Variants in ZYG11B observed in about 807,000 individuals in gnomAD.
ZYG11B encodes protein zyg-11 homolog B.
ZYG11B carries 36 observed loss-of-function variants against 82.4 expected under a neutral mutation model. That is an observed-to-expected ratio of 0.44 (90% CI 0.33 to 0.58). ZYG11B has a LOEUF of 0.58. Ranked by LOEUF, ZYG11B falls within the 20% of genes least tolerant of loss-of-function variation. The probability of loss-of-function intolerance (pLI) is 0.02; values close to 1 mark genes in which losing one functional copy is unlikely to be tolerated. For missense variants in ZYG11B, 552 were observed against 895.6 expected (o/e 0.62, Z 4.90); for synonymous variants, 303 against 312.8 (o/e 0.97, Z 0.33).
At chr1:52,734,754 G>A (rs189352529) in intron 1 of ZYG11B, among the ~76,000 whole-genome samples, 2 of 152,024 alleles carry the variant, frequency 1.3e-5, no homozygotes, top group East Asian at 1.9e-4. Context: ...TTGAGATGGA[G>A]TTTCGCTCTT....
At chr1:52,772,243 G>GGGA in intron 3 of ZYG11B, 1 of 1,338,866 alleles carries the variant, frequency 7.5e-7, no homozygotes, top group Non-Finnish European at 1.1e-6. Flanking sequence ...CCAACTGGGA[G>GGGA]GGAGGACTCG....
chr1:52,819,792 AAATAAT>A (rs67913247), intron 13 of ZYG11B, among the ~76,000 whole-genome samples: 2 of 149,562 alleles, frequency 1.3e-5, no homozygotes, highest in Non-Finnish European at 2.9e-5. Flanking sequence ...TCTGAAAAAA[AAATAAT>A]AATAATAATA....
At chr1:52,737,290 C>T (rs942906506) in intron 1 of ZYG11B, among the ~76,000 whole-genome samples, 2 of 152,160 alleles carry the variant, frequency 1.3e-5, no homozygotes, top group Non-Finnish European at 2.9e-5. Flanking sequence ...GTATGCCTCT[C>T]CTGTACAGTG....
intron 13 of ZYG11B, among the ~76,000 whole-genome samples, chr1:52,820,134 T>A (rs1215914577): frequency 6.6e-6 from 1 of 151,330 alleles, no homozygotes; most frequent in Non-Finnish European, 1.5e-5. Flanking sequence ...CAGGATGGTC[T>A]CGATCTCCTG....
chr1:52,735,467 AAAAG>A (rs1644371480), intron 1 of ZYG11B, among the ~76,000 whole-genome samples: 1 of 152,228 alleles, frequency 6.6e-6, no homozygotes, highest in Admixed American at 6.5e-5. Context: ...AAATGAAAGA[AAAAG>A]AAATTGTATA....
intron 1 of ZYG11B, among the ~76,000 whole-genome samples, chr1:52,745,666 C>A (rs576496085): frequency 6.8e-6 from 1 of 146,160 alleles, no homozygotes; most frequent in African/African-American, 2.5e-5. Context: ...CCGGTTCAAG[C>A]AATTCTCCTG....
At position 52,824,837 on chromosome 1, in the gene ZYG11B, C is replaced by G. The variant is rs978015033; in HGVS notation, c.*3208C>G. ...AGTAGCCAGTATCTATAGTTAGAAT[C>G]TACAAGGCCTCCTTTTTGCACCTGT... On this transcript the variant is annotated 3_prime_UTR_variant, in exon 14 of 14. Transcript: ENST00000294353. 5 of 151,986 alleles carry G rather than the reference C, an allele frequency of 3.3e-5. No individual in the cohort carries two copies. The highest frequency in any genetic ancestry group is 1.2e-4 in the African/African-American group (5 of 41,400). The allele number at this position is 151,986 out of a possible 1,614,324, so 9.4% of individuals were successfully genotyped here.
chr1:52,797,248 TATA>T (rs1182657008), intron 8 of ZYG11B, among the ~76,000 whole-genome samples: 1 of 86,366 alleles, frequency 1.2e-5, no homozygotes, highest in Non-Finnish European at 2.0e-5. Context: ...AATTTGTATA[TATA>T]ATATATATTT....
intron 1 of ZYG11B, among the ~76,000 whole-genome samples, chr1:52,747,578 CT>C (rs936308963): frequency 5.3e-4 from 79 of 150,162 alleles, no homozygotes; most frequent in East Asian, 1.9e-3. Flanking sequence ...TGAACTCACT[CT>C]TTTTTTTTTC....
In ZYG11B at chr1:52,742,110, C is replaced by G. The variant is rs76992275; in HGVS notation, c.31-14348C>G. On this transcript the variant is annotated intron_variant, in intron 1 of 13. Coordinates refer to ENST00000294353, the MANE Select transcript of ZYG11B (RefSeq NM_024646.3). ...CTGTGAAAGCCCTTGTGTTCTGTTA[C>G]AGGAATTGTCAGTCTTAGGAAGCTT... Among the ~76,000 whole-genome samples the G allele has an allele frequency of 9.1e-3, 1,389 of 152,262 alleles. 5 individuals carry two copies. Among genetic ancestry groups the G allele is most frequent in the Non-Finnish European group, 0.014 (923 of 68,012 alleles).
At chr1:52,808,019 C>T (rs1258966173) in intron 10 of ZYG11B, among the ~76,000 whole-genome samples, 1 of 152,154 alleles carries the variant, frequency 6.6e-6, no homozygotes, top group Non-Finnish European at 1.5e-5. Flanking sequence ...TCATCATTAT[C>T]TTTGTACTTA....
intron 1 of ZYG11B, among the ~76,000 whole-genome samples, chr1:52,732,936 A>T (rs1464740929): frequency 5.3e-5 from 8 of 152,148 alleles, no homozygotes; most frequent in Admixed American, 3.3e-4. Context: ...AGATCGAGCC[A>T]TTGCACTCCA....
chr1:52,779,099 G>T lies in ZYG11B; in HGVS notation c.952-754G>T, dbSNP rs550262482. On this transcript the variant is annotated intron_variant, in intron 3 of 13. Coordinates refer to ENST00000294353, the MANE Select transcript of ZYG11B (RefSeq NM_024646.3). Reference sequence around the variant, plus strand: ...AATAAGGAAGAATGAGTAGAAATTAGTCAGGTAAAGAGAGAAAGGAAGTTT... The same window carrying T: ...AATAAGGAAGAATGAGTAGAAATTATTCAGGTAAAGAGAGAAAGGAAGTTT... 3.3e-5 allele frequency among the ~76,000 whole-genome samples: 5 copies of T among 152,280 alleles called. No individual in the cohort carries two copies. In the East Asian group the frequency reaches 7.7e-4, roughly 23 times the overall value.
chr1:52,754,331 C>T (rs562138813), intron 1 of ZYG11B: 8 of 152,158 alleles, frequency 5.3e-5, no homozygotes, highest in Non-Finnish European at 1.0e-4. Flanking sequence ...GACTATTTCT[C>T]GGCCTTTTGG....
Position 52,771,270 on chromosome 1 carries a change from C to T in ZYG11B, c.447C>T (p.Ser149=), listed in dbSNP as rs763485867. 6.2e-7 allele frequency: 1 copy of T among 1,614,212 alleles called. No homozygotes were observed. Among genetic ancestry groups the T allele is most frequent in the East Asian group, 2.2e-5 (1 of 44,890 alleles). The change falls in exon 3 of 14, where the codon TCC becomes TCT. Residue 149 remains serine (S), a synonymous_variant. Transcript: ENST00000294353. The surrounding 1 kb of genome is among the most constrained non-coding windows in gnomAD (Gnocchi z 5.4). The part of the protein sequence containing the change: ...QCLVLNSLTL[S]LEDPYERCFS... ...TGGTGCTGAATTCATTAACTCTCTC[C>T]CTCGAGGATCCTTACGAGCGCTGCT...
At chr1:52,814,013 A>C in intron 12 of ZYG11B, 101 bp downstream of exon 12, 6 of 1,037,606 alleles carry the variant, frequency 5.8e-6, no homozygotes, top group Non-Finnish European at 8.7e-6. Flanking sequence ...CAGGCACCTC[A>C]ATATTGGTTA....
intron 4 of ZYG11B, among the ~76,000 whole-genome samples, chr1:52,780,584 C>T (rs1644847269): frequency 6.6e-6 from 1 of 152,104 alleles, no homozygotes; most frequent in Admixed American, 6.5e-5. Context: ...ACCTACTATG[C>T]ATTCTTAACT....
intron 1 of ZYG11B, among the ~76,000 whole-genome samples, chr1:52,738,104 G>A (rs1488311550): frequency 6.6e-6 from 1 of 152,170 alleles, no homozygotes; most frequent in Non-Finnish European, 1.5e-5. Context: ...AATTTGTAGA[G>A]GTGTTCTTCC....
chr1:52,779,885 A>G lies in ZYG11B; in HGVS notation c.984A>G (p.Ala328=), dbSNP rs766600830. The change falls in exon 4 of 14, where the codon GCA becomes GCG. Residue 328 remains alanine, a synonymous_variant. Coordinates refer to ENST00000294353, the MANE Select transcript of ZYG11B (RefSeq NM_024646.3). ...VSGEANETQI[A]EALKRYSERA... is the part of the protein sequence containing the mutation. ...GGGAAGCCAATGAAACTCAGATTGC[A>G]GAAGCACTGAAGCGTTACAGTGAAC... is the stretch of plus-strand genomic sequence containing the variant. The G allele has an allele frequency of 1.2e-6, 2 of 1,614,202 alleles. No homozygotes were observed. Among genetic ancestry groups the G allele is most frequent in the Non-Finnish European group, 1.7e-6 (2 of 1,180,032 alleles).
Sources: gnomAD v4.1 joint callset for allele counts (sites outside exome capture counted in the v4.1 genomes callset) on GRCh38, gnomAD v4.1.1 for gene constraint, Gnocchi (gnomAD v3.1) non-coding constraint, MANE v1.5 for transcripts, NCBI Gene and HGNC (gene_info 2026-07-23, HGNC 2026-07-21) for gene names.